Variants in ZDHHC18 observed in about 807,000 individuals in gnomAD.
ZDHHC18 encodes the protein palmitoyltransferase ZDHHC18.
A neutral mutation model predicts 37.5 loss-of-function variants in ZDHHC18; 23 were observed. That is an observed-to-expected ratio of 0.61 (90% CI 0.44 to 0.87). The LOEUF (loss-of-function observed/expected upper bound fraction) is 0.87, where lower values mean the gene tolerates loss of function less well. Ranked by LOEUF, ZDHHC18 falls within the 40% of genes least tolerant of loss-of-function variation. The probability of loss-of-function intolerance (pLI) is 0.00; values close to 1 mark genes in which losing one functional copy is unlikely to be tolerated. For missense variants in ZDHHC18, 406 were observed against 525.6 expected, an observed-to-expected ratio of 0.77 and a Z score of 2.22; for synonymous variants, 185 against 218.7, an observed-to-expected ratio of 0.85 and a Z score of 1.36.
chr1:26,833,967 A>G (rs2081599510), intron 2 of ZDHHC18, among the ~76,000 whole-genome samples: 1 of 152,210 alleles, frequency 6.6e-6, no homozygotes, highest in East Asian at 1.9e-4. Context: ...CCCCATCCTC[A>G]GCCACGCCTG....
At chr1:26,844,491 A>C (rs557840194) in intron 2 of ZDHHC18, among the ~76,000 whole-genome samples, 1 of 152,312 alleles carries the variant, frequency 6.6e-6, no homozygotes, top group East Asian at 1.9e-4. Flanking sequence ...GAGTTTGTCT[A>C]TTATGAGAAT....
intron 2 of ZDHHC18, among the ~76,000 whole-genome samples, chr1:26,833,607 T>A (rs1443467556): frequency 6.6e-6 from 1 of 152,112 alleles, no homozygotes; most frequent in Non-Finnish European, 1.5e-5. Context: ...TTGATTCCTT[T>A]CAGACTGCTG....
intron 2 of ZDHHC18, among the ~76,000 whole-genome samples, chr1:26,837,252 C>A (rs1303293012): frequency 1.3e-4 from 16 of 126,344 alleles, no homozygotes; most frequent in South Asian, 5.0e-4. Flanking sequence ...GACTCTGTCT[C>A]AAAAAAAATA....
At chr1:26,848,984 C>T (rs1557645318) in intron 3 of ZDHHC18, among the ~76,000 whole-genome samples, 4 of 152,156 alleles carry the variant, frequency 2.6e-5, no homozygotes, top group Admixed American at 2.6e-4. Context: ...TGGATTCCTT[C>T]CCCCAGCTCT....
At chr1:26,849,561 A>T (rs576036670) in intron 3 of ZDHHC18, among the ~76,000 whole-genome samples, 63 of 152,356 alleles carry the variant, frequency 4.1e-4, no homozygotes, top group African/African-American at 1.5e-3. Flanking sequence ...CGCCGTGCAA[A>T]GGGCACTGGC....
In ZDHHC18 at chr1:26,848,903, C is replaced by T. The variant is rs940320604; in HGVS notation, c.646+146C>T. 1.7e-5 allele frequency: 22 copies of T among 1,268,546 alleles called. No homozygotes were observed. The African/African-American group carries it at 1.8e-4, about 10-fold the overall frequency. 78.6% of individuals were successfully genotyped at this position (1,268,546 alleles called of 1,614,324 possible). A position where few individuals can be genotyped will look rare whatever the true frequency, so the allele number is the denominator to read the frequency against. ...GGGGTCTGGTTCACCCAGATTTGCC[C>T]TGACTCAGGAGGGCCCAGGGGAGGG... On this transcript the variant is annotated intron_variant, in intron 3 of 7. Coordinates refer to ENST00000374142, the MANE Select transcript of ZDHHC18 (RefSeq NM_032283.3).
chr1:26,836,962 A>G (rs1297633023), intron 2 of ZDHHC18, among the ~76,000 whole-genome samples: 1 of 147,690 alleles, frequency 6.8e-6, no homozygotes, highest in Non-Finnish European at 1.5e-5. Flanking sequence ...ATATATATTA[A>G]ATGCAGCTGG....
intron 2 of ZDHHC18, among the ~76,000 whole-genome samples, chr1:26,845,966 C>G (rs1473261298): frequency 2.0e-5 from 3 of 151,888 alleles, no homozygotes; most frequent in African/African-American, 4.8e-5. Context: ...TCAATTTTCA[C>G]AAAAACAACC....
In ZDHHC18 at chr1:26,850,253, G is replaced by A. The variant is rs754834422; in HGVS notation, c.647-48G>A. On this transcript the variant is annotated intron_variant, in intron 3 of 7. Coordinates refer to ENST00000374142, the MANE Select transcript of ZDHHC18 (RefSeq NM_032283.3). This position sits in a 1 kb window ranked among gnomAD's most constrained non-coding sequence, Gnocchi z 6.1. ...GGTGAGGCCGCCAAATGCCTGTGCT[G>A]GCTGCAGGCCAGCCCACACTAACCC... 1.9e-6 allele frequency: 3 copies of A among 1,599,708 alleles called. No homozygotes were observed. The South Asian group carries it at 3.3e-5, about 18-fold the overall frequency.
intron 1 of ZDHHC18, among the ~76,000 whole-genome samples, chr1:26,830,431 A>G (rs1471579427): frequency 6.6e-6 from 1 of 152,188 alleles, no homozygotes; most frequent in Middle Eastern, 3.2e-3. Context: ...GAGAAAGTAC[A>G]CAGGAACTGC....
intron 2 of ZDHHC18, among the ~76,000 whole-genome samples, chr1:26,836,495 G>A (rs186534409): frequency 6.6e-6 from 1 of 152,126 alleles, no homozygotes; most frequent in African/African-American, 2.4e-5. Context: ...CAGCATATCA[G>A]TGATATGAGT....
At chr1:26,843,916 C>T (rs1222404091) in intron 2 of ZDHHC18, among the ~76,000 whole-genome samples, 1 of 152,218 alleles carries the variant, frequency 6.6e-6, no homozygotes, top group Non-Finnish European at 1.5e-5. Context: ...CCCCCTCATG[C>T]CCCCTTCCAA....
intron 2 of ZDHHC18, among the ~76,000 whole-genome samples, chr1:26,838,507 A>G (rs969492645): frequency 6.6e-6 from 1 of 152,164 alleles, no homozygotes; most frequent in African/African-American, 2.4e-5. Flanking sequence ...TTCTTGAGGC[A>G]TTGAGTATAG....
Position 26,826,814 on chromosome 1 carries a change from T to A in ZDHHC18, c.10T>A (p.Cys4Ser). 4 of 980,720 alleles carry A rather than the reference T, an allele frequency of 4.1e-6. No individual in the cohort carries two copies. The highest frequency in any genetic ancestry group is 4.8e-6 in the Non-Finnish European group (4 of 828,276). 60.8% of individuals were successfully genotyped at this position (980,720 alleles called of 1,614,324 possible). A position where few individuals can be genotyped will look rare whatever the true frequency, so the allele number is the denominator to read the frequency against. The change falls in exon 1 of 8, where the codon TGC (cysteine) becomes AGC (serine). Residue 4 changes from cysteine (C) to serine (S), a missense_variant. By Grantham distance (112) the Cys-to-Ser change is moderately radical. Transcript: ENST00000374142. The surrounding 1 kb of genome is among the most constrained non-coding windows in gnomAD (Gnocchi z 5.2). ...GCCCGCGGCTGGCTGCATGAAGGACTGCGAGTACCAGCAGATCAGCCCCGG... is the reference window on the plus strand; with the variant it reads ...GCCCGCGGCTGGCTGCATGAAGGACAGCGAGTACCAGCAGATCAGCCCCGG... MKD[C>S]EYQQISPGAA...
chr1:26,834,219 G>A (rs1403285122), intron 2 of ZDHHC18, among the ~76,000 whole-genome samples: 2 of 152,212 alleles, frequency 1.3e-5, no homozygotes, highest in East Asian at 3.9e-4. Context: ...TGTGAGCTGC[G>A]TGGATCACAG....
chr1:26,852,912 C>A, intron 7 of ZDHHC18, 47 bp downstream of exon 7: 1 of 1,576,210 alleles, frequency 6.3e-7, no homozygotes. Context: ...CATGCCTGGC[C>A]AGTGATCAAA....
chr1:26,857,100 GC>G lies in ZDHHC18; in HGVS notation c.*3259del, dbSNP rs1310654906. On this transcript the variant is annotated 3_prime_UTR_variant, in exon 8 of 8. Transcript: ENST00000374142. Reference sequence around the variant, plus strand: ...CCAGAGTGTAGAAAGCCATAACGCAGCCATCAGCACAATAATGTGACTCTAC... The same window carrying G: ...CCAGAGTGTAGAAAGCCATAACGCAGCATCAGCACAATAATGTGACTCTAC... 1 of 152,454 alleles carries G rather than the reference GC, an allele frequency of 6.6e-6. No homozygotes were observed. Among genetic ancestry groups the G allele is most frequent in the African/African-American group, 2.4e-5 (1 of 41,466 alleles). 9.4% of individuals were successfully genotyped at this position (152,454 alleles called of 1,614,324 possible). A position where few individuals can be genotyped will look rare whatever the true frequency, so the allele number is the denominator to read the frequency against.
chr1:26,842,270 C>T (rs2081643167), intron 2 of ZDHHC18, among the ~76,000 whole-genome samples: 1 of 152,208 alleles, frequency 6.6e-6, no homozygotes, highest in Non-Finnish European at 1.5e-5. Context: ...AGCCACTATG[C>T]TTGGCCCTGT....
At chr1:26,828,552 C>T (rs772987671) in intron 1 of ZDHHC18, among the ~76,000 whole-genome samples, 1 of 151,992 alleles carries the variant, frequency 6.6e-6, no homozygotes, top group African/African-American at 2.4e-5. Context: ...GGCATGTGGC[C>T]ATGGTAAGGC....
Sources: gnomAD v4.1 joint callset for allele counts (sites outside exome capture counted in the v4.1 genomes callset) on GRCh38, gnomAD v4.1.1 for gene constraint, Gnocchi (gnomAD v3.1) non-coding constraint, MANE v1.5 for transcripts, NCBI Gene and HGNC (gene_info 2026-07-23, HGNC 2026-07-21) for gene names.